The following NOD2 variants were observed in gnomAD, a reference collection of about 807,000 sequenced individuals.
NOD2 encodes nucleotide-binding oligomerization domain-containing protein 2.
A neutral mutation model predicts 90.9 loss-of-function variants in NOD2; 86 were observed. That is an observed-to-expected ratio of 0.95 (90% confidence interval 0.79 to 1.13). The LOEUF is 1.13. NOD2 is among the 50% of genes most tolerant of loss of function. NOD2 has a pLI of 0.00. For synonymous variants in NOD2, 581 were observed against 554.6 expected, an observed-to-expected ratio of 1.05 and a Z score of -0.67; for missense variants, 1,238 against 1,283.8, an observed-to-expected ratio of 0.96 and a Z score of 0.55.
chr16:50,727,469 T>A (rs2150839842), intron 10 of NOD2: 1 of 194,498 alleles, frequency 5.1e-6, no homozygotes, highest in East Asian at 1.4e-4. Context: ...ATCAACACAT[T>A]TTTGCCAATA....
Position 50,712,157 on chromosome 16 carries a change from T to C in NOD2, c.2165T>C (p.Met722Thr). The C allele has an allele frequency of 6.2e-7, 1 of 1,614,164 alleles. No homozygotes were observed. The highest frequency in any genetic ancestry group is 1.6e-4 in the Middle Eastern group (1 of 6,062). ...FIWLIRSLYE[M>T]QEERLARKAA... The stretch of plus-strand genomic sequence containing the variant: ...TGGCTCATCCGGAGCCTGTACGAGA[T>C]GCAGGAGGAGCGGCTGGCTCGGAAG... Residue 722 changes from methionine to threonine, a missense_variant, in exon 4 of 12, where the codon ATG (methionine) becomes ACG (threonine). Physicochemically the swap from Met to Thr is moderately conservative, Grantham distance 81. Coordinates refer to ENST00000647318, the MANE Select transcript of NOD2 (RefSeq NM_001370466.1).
chr16:50,704,930 A>G (rs1567385099), intron 2 of NOD2, among the ~76,000 whole-genome samples: 1 of 152,220 alleles, frequency 6.6e-6, no homozygotes, highest in African/African-American at 2.4e-5. Context: ...TTAGTCACCC[A>G]AGAGGTACTT....
intron 3 of NOD2, chr16:50,709,830 T>C: frequency 4.8e-6 from 2 of 412,614 alleles, no homozygotes; most frequent in Non-Finnish European, 9.8e-6. Context: ...ATAATAATGA[T>C]AATAAGCACC....
chr16:50,719,765 T>C (rs1189190595), intron 6 of NOD2, 160 bp from the exon 7 acceptor site: 10 of 753,812 alleles, frequency 1.3e-5, no homozygotes, highest in Admixed American at 7.2e-5. Context: ...TGGGAGCCGC[T>C]GAGTAAACTA....
chr16:50,729,773 A>G, intron 10 of NOD2, 45 bp from the exon 11 acceptor site: 1 of 1,555,742 alleles, frequency 6.4e-7, no homozygotes, highest in Non-Finnish European at 8.9e-7. Context: ...TTTCAAGAGG[A>G]AAACCAAGAA....
In NOD2 at chr16:50,697,483, A is replaced by G. The variant is rs1480071997; in HGVS notation, c.-8-2005A>G. 5 of 723,270 alleles carry G rather than the reference A, an allele frequency of 6.9e-6. No individual in the cohort carries two copies. The East Asian group carries it at 1.1e-4, about 16-fold the overall frequency. 44.8% of individuals were successfully genotyped at this position (723,270 alleles called of 1,614,324 possible). Reference sequence around the variant, plus strand: ...GGGTTTTTTTCCCCAGGACCTGGGCAGGGTCAATGGTGGGGGCCGCTGTCG... The same window carrying G: ...GGGTTTTTTTCCCCAGGACCTGGGCGGGGTCAATGGTGGGGGCCGCTGTCG... On this transcript the variant is annotated intron_variant, in intron 1 of 11. Coordinates refer to ENST00000647318, the MANE Select transcript of NOD2 (RefSeq NM_001370466.1).
rs2076752 is a variant in NOD2, at chr16:50,697,185, G to A, written c.-8-2303G>A. On this transcript the variant is annotated intron_variant, in intron 1 of 11. Transcript: ENST00000647318. ...AGTCCTGTGCCACTGGGCTTTTGGCGTTCTGCACAAGGCCTACCCGCAGAT... is the reference window on the plus strand; with the variant it reads ...AGTCCTGTGCCACTGGGCTTTTGGCATTCTGCACAAGGCCTACCCGCAGAT... The A allele has an allele frequency of 0.26, 368,302 of 1,429,068 alleles. 52,077 individuals carry two copies. Among genetic ancestry groups the A allele is most frequent in the Non-Finnish European group, 0.29 (301,941 of 1,036,566 alleles). 88.5% of individuals were successfully genotyped at this position (1,429,068 alleles called of 1,614,324 possible).
At chr16:50,716,069 G>A (rs369413188) in intron 4 of NOD2, among the ~76,000 whole-genome samples, 4 of 152,140 alleles carry the variant, frequency 2.6e-5, no homozygotes, top group South Asian at 4.1e-4. Flanking sequence ...GTGCCATTGG[G>A]GTTAAGGACT....
chr16:50,700,045 G>A (rs76961626), intron 2 of NOD2, 91 bp downstream of exon 2: 304 of 1,277,820 alleles, frequency 2.4e-4, no homozygotes, highest in Non-Finnish European at 3.1e-4. Context: ...CAGCCTGTGG[G>A]GTAACTTGGT....
chr16:50,731,663 G>T, intron 11 of NOD2, 84 bp from the exon 12 acceptor site: 1 of 943,540 alleles, frequency 1.1e-6, no homozygotes, highest in Non-Finnish European at 1.7e-6. Flanking sequence ...CCCAGGCATG[G>T]GTTTAAAAAG....
rs757895989 is a variant in NOD2 at position 50,711,868 on chromosome 16, G to C, written c.1876G>C (p.Glu626Gln). The C allele has an allele frequency of 7.4e-6, 12 of 1,611,214 alleles. No individual in the cohort carries two copies. The highest frequency in any genetic ancestry group is 1.0e-5 in the Non-Finnish European group (12 of 1,177,734). The change falls in exon 4 of 12, where the codon GAG (glutamate) becomes CAG (glutamine). Residue 626 changes from glutamate (E) to glutamine (Q), a missense_variant. This residue lies in a region of NOD2 where 667 missense variants were observed against 688.7 expected (regional missense o/e 0.97). Coordinates refer to ENST00000647318, the MANE Select transcript of NOD2 (RefSeq NM_001370466.1). ...GCCCACGATGTGCATCCAGGCCTCG[G>C]AGGGAAAGGACAGCAGCGTGGCAGC... ...LLPTMCIQAS[E>Q]GKDSSVAALL...
At chr16:50,714,242 C>A (rs549286831) in intron 4 of NOD2, among the ~76,000 whole-genome samples, 1 of 152,094 alleles carries the variant, frequency 6.6e-6, no homozygotes. Context: ...CTCTGGGAAA[C>A]CTGTGGGTCT....
At chr16:50,730,131 A>G (rs941097563) in intron 11 of NOD2, among the ~76,000 whole-genome samples, 3 of 152,326 alleles carry the variant, frequency 2.0e-5, no homozygotes, top group Non-Finnish European at 4.4e-5. Context: ...CTATTTATTC[A>G]GCAACTTCTC....
At chr16:50,731,616 C>A (rs1238856243) in intron 11 of NOD2, 131 bp from the exon 12 acceptor site, 2 of 722,972 alleles carry the variant, frequency 2.8e-6, no homozygotes, top group African/African-American at 1.7e-5. Context: ...GACTTCCCTG[C>A]AAGAAACACT....
At chr16:50,710,167 C>A (rs1267476559) in intron 3 of NOD2, among the ~76,000 whole-genome samples, 1 of 152,334 alleles carries the variant, frequency 6.6e-6, no homozygotes, top group East Asian at 1.9e-4. Flanking sequence ...GTCTTCCGAT[C>A]CCAGCCCAGA....
chr16:50,710,873 A>C lies in NOD2; in HGVS notation c.881A>C (p.Asp294Ala), dbSNP rs747190206. The stretch of plus-strand genomic sequence containing the variant: ...CACTTGCTGTGGGCTGCAGGGCAAG[A>C]CTTCCAGGAATTTCTCTTTGTCTTC... ...RLHLLWAAGQDFQEFLFVFPF... is the reference protein window; with the variant it reads ...RLHLLWAAGQAFQEFLFVFPF... The change falls in exon 4 of 12, where the codon GAC becomes GCC. Residue 294 changes from aspartate to alanine, a missense_variant. This residue lies in a region of NOD2 where 567 missense variants were observed against 577.3 expected (regional missense o/e 0.98). Coordinates refer to ENST00000647318, the MANE Select transcript of NOD2 (RefSeq NM_001370466.1). The C allele has an allele frequency of 1.2e-6, 2 of 1,614,062 alleles. No individual in the cohort carries two copies. The highest frequency in any genetic ancestry group is 2.7e-5 in the African/African-American group (2 of 75,026).
intron 11 of NOD2, among the ~76,000 whole-genome samples, chr16:50,730,829 A>G (rs1965428807): frequency 6.6e-6 from 1 of 152,198 alleles, no homozygotes. Context: ...CCCTTGCTTT[A>G]AATATGCAGG....
chr16:50,731,096 G>A (rs1375970717), intron 11 of NOD2, among the ~76,000 whole-genome samples: 1 of 152,108 alleles, frequency 6.6e-6, no homozygotes, highest in Non-Finnish European at 1.5e-5. Flanking sequence ...CTTGAACCCA[G>A]GAGTTCAAGG....
intron 11 of NOD2, among the ~76,000 whole-genome samples, chr16:50,730,297 G>A (rs1298856135): frequency 1.3e-5 from 2 of 152,188 alleles, no homozygotes; most frequent in Admixed American, 6.5e-5. Context: ...GTTAGGAGCA[G>A]GTTGCACAGT....
Sources: allele counts gnomAD v4.1 joint callset (sites outside exome capture counted in the v4.1 genomes callset), GRCh38; gene constraint gnomAD v4.1.1; regional missense constraint gnomAD v4.1.1; transcripts MANE v1.5; gene names NCBI Gene and HGNC (gene_info 2026-07-23, HGNC 2026-07-21).